Variants in RTN1 observed in about 807,000 individuals in gnomAD.
RTN1 encodes reticulon-1.
A neutral mutation model predicts 65.5 loss-of-function variants in RTN1; 25 were observed. The ratio of observed to expected loss-of-function variants is 0.38; its 90% CI spans 0.28 to 0.53. RTN1 has a LOEUF of 0.53. Among genes scored for constraint, RTN1 ranks in the 20% least tolerant of loss-of-function variants. The pLI, the probability that RTN1 is intolerant of heterozygous loss-of-function variation, is 0.79. For missense variants in RTN1, 983 were observed against 1,025.4 expected, an observed-to-expected ratio of 0.96 and a Z score of 0.57; for synonymous variants, 471 against 447.6, an observed-to-expected ratio of 1.05 and a Z score of -0.66.
chr14:59,775,251 C>T (rs1886030009), intron 1 of RTN1, among the ~76,000 whole-genome samples: 1 of 152,180 alleles, frequency 6.6e-6, no homozygotes. Flanking sequence ...AGAACCCAAA[C>T]ATGAAAGGAC....
intron 3 of RTN1, among the ~76,000 whole-genome samples, chr14:59,693,515 C>T (rs1884003192): frequency 6.6e-6 from 1 of 152,154 alleles, no homozygotes; most frequent in Non-Finnish European, 1.5e-5. Flanking sequence ...TTCCCACCCT[C>T]ACCGTCCTAT....
chr14:59,692,821 T>C (rs1883989006), intron 3 of RTN1, among the ~76,000 whole-genome samples: 1 of 152,130 alleles, frequency 6.6e-6, no homozygotes, highest in South Asian at 2.1e-4. Flanking sequence ...TAAATTATTC[T>C]ACTAAAAAGG....
chr14:59,606,697 TTAG>T (rs1881766121), intron 4 of RTN1, among the ~76,000 whole-genome samples: 1 of 152,348 alleles, frequency 6.6e-6, no homozygotes, highest in Non-Finnish European at 1.5e-5. Flanking sequence ...ATCCGCTTAG[TTAG>T]TAGATTGCCC....
chr14:59,753,730 C>A (rs1189554204), intron 1 of RTN1, among the ~76,000 whole-genome samples: 2 of 152,168 alleles, frequency 1.3e-5, no homozygotes, highest in African/African-American at 2.4e-5. Context: ...GCACTTCCTG[C>A]AGAGCTGGCA....
intron 3 of RTN1, among the ~76,000 whole-genome samples, chr14:59,662,147 T>C (rs1883262133): frequency 6.7e-6 from 1 of 149,266 alleles, no homozygotes; most frequent in Non-Finnish European, 1.5e-5. Context: ...TGGAGTGAAA[T>C]CCAGCTTTCT....
At chr14:59,805,054 G>A (rs997473214) in intron 1 of RTN1, among the ~76,000 whole-genome samples, 2 of 152,246 alleles carry the variant, frequency 1.3e-5, no homozygotes, top group South Asian at 2.1e-4. Context: ...ACACATTCCC[G>A]TCTTGAGGAC....
intron 3 of RTN1, among the ~76,000 whole-genome samples, chr14:59,694,329 T>C (rs1051388747): frequency 1.2e-4 from 18 of 152,196 alleles, no homozygotes; most frequent in African/African-American, 2.9e-4. Context: ...GTTCTAGGCA[T>C]GTGGGAAGAG....
rs182573894 is a variant in RTN1 at position 59,716,828 on chromosome 14, C to T, written c.1765+10091G>A. Among the ~76,000 whole-genome samples, 518 of 151,428 alleles carry T rather than the reference C, an allele frequency of 3.4e-3. 3 individuals are homozygous for T. Among genetic ancestry groups the T allele is most frequent in the African/African-American group, 0.012 (503 of 41,290 alleles). The stretch of plus-strand genomic sequence containing the variant: ...CAAAAAAAAAAAAAAATTAGCCAGG[C>T]GTGGTGGTGGACGCCTGTAGTCCCA... On this transcript the variant is annotated intron_variant, in intron 3 of 8. Coordinates refer to ENST00000267484, the MANE Select transcript of RTN1 (RefSeq NM_021136.3).
rs551912238 is a variant in RTN1 at position 59,829,894 on chromosome 14, C to T, written c.241+40496G>A. ...ACCCAGAGAGAAACCAAAAATATTT[C>T]TCAAATAGCATTCATGAATATTGTA... On this transcript the variant is annotated intron_variant, in intron 1 of 8. Transcript: ENST00000267484. This position sits in a 1 kb window ranked among gnomAD's most constrained non-coding sequence, Gnocchi z 4.3. Among the ~76,000 whole-genome samples, 8 of 152,334 alleles carry T rather than the reference C, an allele frequency of 5.3e-5. No individual in the cohort carries two copies. In the East Asian group the frequency reaches 1.5e-3, roughly 29 times the overall value.
intron 1 of RTN1, among the ~76,000 whole-genome samples, chr14:59,782,111 T>C (rs1192876480): frequency 6.6e-6 from 1 of 152,148 alleles, no homozygotes; most frequent in African/African-American, 2.4e-5. Context: ...AAAGGCACTG[T>C]CTATGAATCA....
At chr14:59,611,443 G>C (rs998705395) in intron 3 of RTN1, among the ~76,000 whole-genome samples, 1 of 152,196 alleles carries the variant, frequency 6.6e-6, no homozygotes, top group Non-Finnish European at 1.5e-5. Flanking sequence ...CAGGGTGACT[G>C]TAGCCCCATG....
intron 2 of RTN1, among the ~76,000 whole-genome samples, chr14:59,741,041 C>T (rs1885106330): frequency 6.6e-6 from 1 of 152,188 alleles, no homozygotes; most frequent in Admixed American, 6.5e-5. Flanking sequence ...GTTGCAGACA[C>T]CAGTGTCCAA....
At chr14:59,720,270 C>T (rs1884620512) in intron 3 of RTN1, among the ~76,000 whole-genome samples, 1 of 151,696 alleles carries the variant, frequency 6.6e-6, no homozygotes, top group African/African-American at 2.4e-5. Flanking sequence ...AAACATAGAT[C>T]GATATGCAAT....
intron 3 of RTN1, among the ~76,000 whole-genome samples, chr14:59,657,886 C>A (rs1460473935): frequency 6.6e-6 from 1 of 152,098 alleles, no homozygotes; most frequent in Non-Finnish European, 1.5e-5. Context: ...GGGAAACCAG[C>A]CAGACAGAAC....
chr14:59,839,458 G>A (rs1365804233), intron 1 of RTN1, among the ~76,000 whole-genome samples: 1 of 152,030 alleles, frequency 6.6e-6, no homozygotes, highest in Non-Finnish European at 1.5e-5. Flanking sequence ...CAACCCAAAG[G>A]AATATTAAGC....
At chr14:59,749,157 T>TCTATATCTA (rs1555358602) in intron 1 of RTN1, among the ~76,000 whole-genome samples, 2 of 44,126 alleles carry the variant, frequency 4.5e-5, no homozygotes, top group African/African-American at 1.4e-4. Context: ...TATCTATCTA[T>TCTATATCTA]ATCTATCTAT....
At chr14:59,800,583 G>A (rs542174523) in intron 1 of RTN1, among the ~76,000 whole-genome samples, 6 of 152,034 alleles carry the variant, frequency 3.9e-5, no homozygotes, top group Non-Finnish European at 5.9e-5. Flanking sequence ...TACATTTTTA[G>A]TAGAGACAGG....
intron 3 of RTN1, among the ~76,000 whole-genome samples, chr14:59,702,911 C>T (rs987055977): frequency 1.3e-4 from 20 of 152,226 alleles, no homozygotes; most frequent in Admixed American, 1.2e-3. Flanking sequence ...GCCACCCTGG[C>T]TTCCTTGCGG....
At chr14:59,755,278 ACAAAAATGC>A (rs1435794456) in intron 1 of RTN1, among the ~76,000 whole-genome samples, 9 of 152,226 alleles carry the variant, frequency 5.9e-5, no homozygotes, top group Admixed American at 2.6e-4. Flanking sequence ...AATTAGAGAA[ACAAAAATGC>A]CAATTATTGT....
Sources: allele counts gnomAD v4.1 joint callset (sites outside exome capture counted in the v4.1 genomes callset), GRCh38; gene constraint gnomAD v4.1.1; non-coding constraint Gnocchi (gnomAD v3.1); transcripts MANE v1.5; gene names NCBI Gene and HGNC (gene_info 2026-07-23, HGNC 2026-07-21).